The following SPACA3 variants were observed in gnomAD, a reference collection of about 807,000 sequenced individuals.
SPACA3 encodes sperm acrosome membrane-associated protein 3.
A neutral mutation model predicts 24.5 loss-of-function variants in SPACA3; 21 were observed. The observed-to-expected ratio is 0.86, with a 90% confidence interval of 0.61 to 1.24. SPACA3 has a LOEUF of 1.24. SPACA3 is among the 50% of genes most tolerant of loss of function. The pLI is 0.00. For synonymous variants in SPACA3, 115 were observed against 106.9 expected (o/e 1.08, Z -0.47); for missense variants, 278 against 275.5 (o/e 1.01, Z -0.06).
chr17:32,997,039 C>T (rs780371019), intron 3 of SPACA3, 38 bp downstream of exon 3: 2 of 1,476,280 alleles, frequency 1.4e-6, no homozygotes, highest in Non-Finnish European at 1.8e-6. Context: ...AGGAGTCAGG[C>T]CCTGCATTAG....
chr17:32,995,852 G>A (rs1040199842), intron 2 of SPACA3, 135 bp downstream of exon 2: 11 of 1,076,712 alleles, frequency 1.0e-5, no homozygotes, highest in East Asian at 2.6e-5. Flanking sequence ...GATGATTTGA[G>A]ATGGCAGGTA....
rs745906122 is a variant in SPACA3, at chr17:32,992,539, G to A, written c.34+567G>A. On this transcript the variant is annotated intron_variant, in intron 1 of 4. Transcript: ENST00000269053. ...ATGCAGATAAATAAGACCAGCCGCCGTTCTTCAGAAGTTAACTTTGTGGTG... is the reference window on the plus strand; with the variant it reads ...ATGCAGATAAATAAGACCAGCCGCCATTCTTCAGAAGTTAACTTTGTGGTG... 2.1e-4 allele frequency among the ~76,000 whole-genome samples: 32 copies of A among 152,194 alleles called. 1 individual carries two copies. Among genetic ancestry groups the A allele is most frequent in the Non-Finnish European group, 4.0e-4 (27 of 68,046 alleles).
At chr17:32,992,033 G>T in intron 1 of SPACA3, 61 bp downstream of exon 1, 2 of 1,587,118 alleles carry the variant, frequency 1.3e-6, no homozygotes. Context: ...GGTCTGGCCA[G>T]AGACCAGGTG....
In SPACA3 at chr17:32,997,517, G is replaced by A; in HGVS notation, c.575G>A (p.Gly192Asp). Reference protein sequence around the residue: ...MKITQEPQGLGYWEAWRHHCQ... With the variant: ...MKITQEPQGLDYWEAWRHHCQ... ...ATAACCCAAGAGCCTCAGGGTCTGG[G>A]TTACTGGTAAGTAACTTGGGCTGGA... Residue 192 changes from glycine (G) to aspartate (D), a missense_variant, in exon 4 of 5, where the codon GGT becomes GAT. By Grantham distance (94) the Gly-to-Asp change is moderately conservative. Transcript: ENST00000269053. 6.2e-7 allele frequency: 1 copy of A among 1,613,960 alleles called. No individual in the cohort carries two copies. Among genetic ancestry groups the A allele is most frequent in the Non-Finnish European group, 8.5e-7 (1 of 1,179,888 alleles).
In SPACA3 at chr17:32,992,352, G is replaced by T. The variant is rs143917115; in HGVS notation, c.34+380G>T. Among the ~76,000 whole-genome samples the T allele has an allele frequency of 2.0e-3, 308 of 152,280 alleles. 1 individual carries two copies. Among genetic ancestry groups the T allele is most frequent in the South Asian group, 3.9e-3 (19 of 4,814 alleles). ...GGAAAGGCCTGGCACAGTGTTCAAAGACTTGACAAACTCCACCAGGTTGGC... is the reference window on the plus strand; with the variant it reads ...GGAAAGGCCTGGCACAGTGTTCAAATACTTGACAAACTCCACCAGGTTGGC... On this transcript the variant is annotated intron_variant, in intron 1 of 4. Coordinates refer to ENST00000269053, the MANE Select transcript of SPACA3 (RefSeq NM_173847.5).
At chr17:32,997,170 A>G (rs760488207) in intron 3 of SPACA3, among the ~76,000 whole-genome samples, 169 bp downstream of exon 3, 2 of 152,190 alleles carry the variant, frequency 1.3e-5, no homozygotes, top group Non-Finnish European at 2.9e-5. Flanking sequence ...GTCTTCCATC[A>G]GTCTGAATTG....
intron 2 of SPACA3, among the ~76,000 whole-genome samples, 181 bp from the exon 3 acceptor site, chr17:32,996,662 C>T (rs113637517): frequency 0.024 from 3,659 of 151,620 alleles, 116 homozygotes; most frequent in African/African-American, 0.083. Flanking sequence ...CTGGGTGAGT[C>T]GCTGTGCACC....
rs1046083815 is a variant in SPACA3, at chr17:32,997,877, A to T, written c.*99A>T. 1.6e-6 allele frequency: 2 copies of T among 1,260,378 alleles called. No homozygotes were observed. Among genetic ancestry groups the T allele is most frequent in the African/African-American group, 3.0e-5 (2 of 67,720 alleles). 78.1% of individuals were successfully genotyped at this position (1,260,378 alleles called of 1,614,324 possible). A position where few individuals can be genotyped will look rare whatever the true frequency, so the allele number is the denominator to read the frequency against. On this transcript the variant is annotated 3_prime_UTR_variant, in exon 5 of 5. Coordinates refer to ENST00000269053, the MANE Select transcript of SPACA3 (RefSeq NM_173847.5). The stretch of plus-strand genomic sequence containing the variant: ...GCGAATAAAGGATGGTTGAACGTGA[A>T]TATGGCTCTCAGCTCTCAGTGTGTC...
At position 32,997,875 on chromosome 17, in the gene SPACA3, G is replaced by T; in HGVS notation, c.*97G>T. On this transcript the variant is annotated 3_prime_UTR_variant, in exon 5 of 5. Coordinates refer to ENST00000269053, the MANE Select transcript of SPACA3 (RefSeq NM_173847.5). ...CAGCGAATAAAGGATGGTTGAACGT[G>T]AATATGGCTCTCAGCTCTCAGTGTG... 2 of 1,272,544 alleles carry T rather than the reference G, an allele frequency of 1.6e-6. No homozygotes were observed. The highest frequency in any genetic ancestry group is 2.3e-6 in the Non-Finnish European group (2 of 874,182). 78.8% of individuals were successfully genotyped at this position (1,272,544 alleles called of 1,614,324 possible).
intron 1 of SPACA3, chr17:32,993,049 A>G (rs1457523569): frequency 1.1e-5 from 5 of 441,140 alleles, no homozygotes; most frequent in Non-Finnish European, 2.3e-5. Flanking sequence ...GGAAGGTGGA[A>G]TCCACAGGAC....
At chr17:32,992,055 G>C in intron 1 of SPACA3, 83 bp downstream of exon 1, 1 of 1,509,378 alleles carries the variant, frequency 6.6e-7, no homozygotes. Context: ...AGAAAAACAA[G>C]GTGGTGGTTA....
chr17:32,992,604 A>T (rs2151127138), intron 1 of SPACA3, among the ~76,000 whole-genome samples: 1 of 152,162 alleles, frequency 6.6e-6, no homozygotes, highest in East Asian at 1.9e-4. Context: ...GTGACAGAGG[A>T]TGTGGAAGAT....
At chr17:32,996,192 A>T (rs1475201060) in intron 2 of SPACA3, among the ~76,000 whole-genome samples, 5 of 152,156 alleles carry the variant, frequency 3.3e-5, no homozygotes, top group African/African-American at 1.2e-4. Flanking sequence ...GTTACTGAAG[A>T]TTTAGCACTT....
chr17:32,992,092 G>A (rs772865561), intron 1 of SPACA3, 120 bp downstream of exon 1: 1 of 1,000,748 alleles, frequency 1.0e-6, no homozygotes, highest in Non-Finnish European at 1.5e-6. Context: ...GCCTGGAAGA[G>A]TGACCAGCTG....
At chr17:32,993,786 GA>G (rs2091706071) in intron 1 of SPACA3, among the ~76,000 whole-genome samples, 1 of 152,058 alleles carries the variant, frequency 6.6e-6, no homozygotes, top group Non-Finnish European at 1.5e-5. Context: ...TTAGAAGATG[GA>G]GACTGAGAAA....
chr17:32,996,583 C>A (rs2091723410), intron 2 of SPACA3, among the ~76,000 whole-genome samples: 2 of 151,898 alleles, frequency 1.3e-5, no homozygotes, highest in African/African-American at 4.8e-5. Context: ...AATGGGAAGA[C>A]TGCTGGGCTA....
At chr17:32,993,152 C>A (rs1373832806) in intron 1 of SPACA3, 11 of 348,178 alleles carry the variant, frequency 3.2e-5, no homozygotes, top group South Asian at 4.6e-5. Flanking sequence ...AATGTGTGGC[C>A]CATCATGTTT....
In SPACA3 at chr17:32,997,702, C is replaced by T; in HGVS notation, c.582-10C>T. ...TATTATCTCTCCTCTTCCCTGTTCT[C>T]CATCCTCAGGGAGGCCTGGAGGCAT... On this transcript the variant is annotated splice_polypyrimidine_tract_variant and intron_variant, in intron 4 of 4. Coordinates refer to ENST00000269053, the MANE Select transcript of SPACA3 (RefSeq NM_173847.5). 2 of 1,613,752 alleles carry T rather than the reference C, an allele frequency of 1.2e-6. No individual in the cohort carries two copies. Among genetic ancestry groups the T allele is most frequent in the Non-Finnish European group, 1.7e-6 (2 of 1,179,632 alleles).
chr17:32,993,129 TCCA>T, intron 1 of SPACA3: 3 of 369,416 alleles, frequency 8.1e-6, no homozygotes, highest in South Asian at 6.3e-5. Context: ...CATTCATATT[TCCA>T]GTTTGGGTAA....
Sources: allele counts gnomAD v4.1 joint callset (sites outside exome capture counted in the v4.1 genomes callset), GRCh38; gene constraint gnomAD v4.1.1; transcripts MANE v1.5; gene names NCBI Gene and HGNC (gene_info 2026-07-23, HGNC 2026-07-21).